PTPRD: variants seen among roughly 807,000 people sequenced by gnomAD.
PTPRD encodes the protein protein tyrosine phosphatase receptor type D.
PTPRD carries 34 observed loss-of-function variants against 214.5 expected under a neutral mutation model. That is an observed-to-expected ratio of 0.16 (90% CI 0.12 to 0.21). The LOEUF (loss-of-function observed/expected upper bound fraction) is 0.21, where lower values mean the gene tolerates loss of function less well. Among genes scored for constraint, PTPRD ranks in the 10% least tolerant of loss-of-function variants. The pLI, the probability that PTPRD is intolerant of heterozygous loss-of-function variation, is 1.00. For synonymous variants in PTPRD, 1,128 were observed against 845.7 expected, an observed-to-expected ratio of 1.33 and a Z score of -5.79; for missense variants, 2,545 against 2,398.7, an observed-to-expected ratio of 1.06 and a Z score of -1.27.
chr9:9,639,247 T>C (rs944672880), intron 7 of PTPRD, among the ~76,000 whole-genome samples: 1 of 152,218 alleles, frequency 6.6e-6, no homozygotes, highest in African/African-American at 2.4e-5. Context: ...AAGTAGACTC[T>C]AGGATTGTTT....
chr9:9,631,614 C>A (rs2095598172), intron 7 of PTPRD, among the ~76,000 whole-genome samples: 1 of 152,018 alleles, frequency 6.6e-6, no homozygotes, highest in Admixed American at 6.6e-5. Context: ...TCAGCCTAAT[C>A]CCTCACCCAG....
At chr9:8,585,798 G>A (rs1310847559) in intron 14 of PTPRD, among the ~76,000 whole-genome samples, 2 of 152,112 alleles carry the variant, frequency 1.3e-5, no homozygotes, top group Non-Finnish European at 1.5e-5. Context: ...TTCTCTGCCT[G>A]TACTATTTCA....
At chr9:10,454,940 G>C (rs925599726) in intron 2 of PTPRD, among the ~76,000 whole-genome samples, 1 of 151,606 alleles carries the variant, frequency 6.6e-6, no homozygotes, top group Non-Finnish European at 1.5e-5. Flanking sequence ...CTCAGTAACA[G>C]GCAAGAAATT....
chr9:10,355,479 C>CTT (rs1273617961), intron 2 of PTPRD, among the ~76,000 whole-genome samples: 29 of 136,688 alleles, frequency 2.1e-4, no homozygotes, highest in East Asian at 4.2e-4. Flanking sequence ...TATTTCTTTT[C>CTT]TTTTTTTTTT....
chr9:8,884,934 C>T (rs971309662), intron 11 of PTPRD, among the ~76,000 whole-genome samples: 8 of 152,082 alleles, frequency 5.3e-5, no homozygotes, highest in Non-Finnish European at 1.0e-4. Context: ...AAAAAGTTAT[C>T]TCCTGGATTC....
At chr9:8,566,100 A>ATATGTGTG (rs1554806757) in intron 14 of PTPRD, among the ~76,000 whole-genome samples, 1 of 137,922 alleles carries the variant, frequency 7.3e-6, no homozygotes, top group East Asian at 2.2e-4. Flanking sequence ...AATGCAAAAT[A>ATATGTGTG]TGTGTGTGTG....
intron 5 of PTPRD, among the ~76,000 whole-genome samples, chr9:9,824,233 A>T (rs982794064): frequency 6.6e-5 from 10 of 151,946 alleles, no homozygotes; most frequent in Non-Finnish European, 1.3e-4. Context: ...GGAATTTTGG[A>T]TTAGAAATAC....
At chr9:9,682,379 G>A (rs978291537) in intron 7 of PTPRD, among the ~76,000 whole-genome samples, 1 of 151,776 alleles carries the variant, frequency 6.6e-6, no homozygotes, top group Non-Finnish European at 1.5e-5. Flanking sequence ...CTCCTACTGA[G>A]AATGCTCACA....
At chr9:8,967,412 G>T (rs2099203901) in intron 11 of PTPRD, among the ~76,000 whole-genome samples, 1 of 152,074 alleles carries the variant, frequency 6.6e-6, no homozygotes, top group Non-Finnish European at 1.5e-5. Context: ...AAAAACATGG[G>T]ATCAGCACAG....
chr9:8,494,007 GACACACACACACAC>G (rs761859777), intron 26 of PTPRD, among the ~76,000 whole-genome samples: 8 of 91,580 alleles, frequency 8.7e-5, no homozygotes, highest in African/African-American at 2.2e-4. Flanking sequence ...CAGACACACA[GACACACACACACAC>G]ACACACACAC....
intron 9 of PTPRD, among the ~76,000 whole-genome samples, chr9:9,277,896 T>G (rs1361267152): frequency 6.6e-6 from 1 of 151,446 alleles, no homozygotes; most frequent in East Asian, 2.0e-4. Flanking sequence ...GAAATGCTAA[T>G]AACACATTCC....
At chr9:9,265,261 GTTTA>G (rs537847639) in intron 9 of PTPRD, among the ~76,000 whole-genome samples, 2 of 151,488 alleles carry the variant, frequency 1.3e-5, no homozygotes, top group African/African-American at 2.4e-5. Flanking sequence ...ATTGACTTGT[GTTTA>G]TTTATTTATT....
chr9:9,870,394 T>C (rs1367859897), intron 5 of PTPRD, among the ~76,000 whole-genome samples: 1 of 151,936 alleles, frequency 6.6e-6, no homozygotes, highest in Non-Finnish European at 1.5e-5. Flanking sequence ...ATATTTACTA[T>C]AGACAACTTT....
At chr9:10,193,861 T>C (rs2099385214) in intron 3 of PTPRD, among the ~76,000 whole-genome samples, 1 of 152,018 alleles carries the variant, frequency 6.6e-6, no homozygotes, top group Admixed American at 6.6e-5. Context: ...AAATGCAAAA[T>C]TTTAAAAATT....
intron 9 of PTPRD, among the ~76,000 whole-genome samples, chr9:9,226,615 C>G (rs944421367): frequency 6.6e-6 from 1 of 151,918 alleles, no homozygotes; most frequent in African/African-American, 2.4e-5. Flanking sequence ...TGTCTTTTAT[C>G]TACAGTGGAG....
rs537355063 is a variant in PTPRD, at chr9:10,206,261, T to C, written c.-545+134702A>G. Among the ~76,000 whole-genome samples the C allele has an allele frequency of 5.3e-5, 8 of 152,220 alleles. No homozygotes were observed. The East Asian group carries it at 1.5e-3, about 29-fold the overall frequency. On this transcript the variant is annotated intron_variant, in intron 3 of 45. Transcript: ENST00000381196. ...CTTAGTTTTTATGAAAGCCAAGTAG[T>C]AGTAAAGGGTGCTGTGGATGTATGT...
chr9:10,464,782 G>A (rs1210339982), intron 2 of PTPRD, among the ~76,000 whole-genome samples: 4 of 151,868 alleles, frequency 2.6e-5, no homozygotes, highest in Non-Finnish European at 2.9e-5. Flanking sequence ...TGTAACAACG[G>A]TAATGTCAGT....
At chr9:10,219,456 G>C (rs932780085) in intron 3 of PTPRD, among the ~76,000 whole-genome samples, 1 of 151,646 alleles carries the variant, frequency 6.6e-6, no homozygotes, top group African/African-American at 2.4e-5. Context: ...GGCATTAATT[G>C]GGTTTACCCC....
chr9:10,380,910 C>T (rs2097807249), intron 2 of PTPRD, among the ~76,000 whole-genome samples: 1 of 151,864 alleles, frequency 6.6e-6, no homozygotes, highest in African/African-American at 2.4e-5. Flanking sequence ...TTGAAAAATG[C>T]ACTTCACACA....
Sources: allele counts gnomAD v4.1 joint callset (sites outside exome capture counted in the v4.1 genomes callset), GRCh38; gene constraint gnomAD v4.1.1; transcripts MANE v1.5; gene names NCBI Gene and HGNC (gene_info 2026-07-23, HGNC 2026-07-21).